Variants in MYH9 observed in about 807,000 individuals in gnomAD.
MYH9 encodes myosin-9.
MYH9 carries 29 observed loss-of-function variants against 241.9 expected under a neutral mutation model. The ratio of observed to expected loss-of-function variants is 0.12; its 90% CI spans 0.09 to 0.16. MYH9 has a LOEUF of 0.16. MYH9 is among the 10% of genes least tolerant of loss of function. MYH9 has a pLI of 1.00. For missense variants in MYH9, 1,803 were observed against 2,595.5 expected, an observed-to-expected ratio of 0.69 and a Z score of 6.63; for synonymous variants, 1,047 against 1,062.6, an observed-to-expected ratio of 0.99 and a Z score of 0.29.
At chr22:36,338,507 C>T (rs1293788241) in intron 3 of MYH9, among the ~76,000 whole-genome samples, 1 of 152,090 alleles carries the variant, frequency 6.6e-6, no homozygotes, top group Non-Finnish European at 1.5e-5. Flanking sequence ...ATTTCCTATC[C>T]CTGGTCTCCA....
At position 36,309,400 on chromosome 22, in the gene MYH9, G is replaced by A. The variant is rs2017023591; in HGVS notation, c.1729-4C>T. The A allele has an allele frequency of 1.2e-6, 2 of 1,612,538 alleles. No homozygotes were observed. Among genetic ancestry groups the A allele is most frequent in the African/African-American group, 1.3e-5 (1 of 74,880 alleles). ...ACTCGTCAGCTTTGTAATCCACCTG[G>A]CGGGGTCAGAGAGGCAGGAGTCACA... On this transcript the variant is annotated splice_region_variant and splice_polypyrimidine_tract_variant and intron_variant, in intron 14 of 40. Transcript: ENST00000216181.
Position 36,293,312 on chromosome 22 carries a change from C to A in MYH9, c.4095+17G>T. The stretch of plus-strand genomic sequence containing the variant: ...CCCCAGCCTGCAGAGTCCGGCCGGT[C>A]CCCCAGGCCTCCAAACCTGGGCATG... On this transcript the variant is annotated intron_variant, in intron 30 of 40. Transcript: ENST00000216181. This position sits in a 1 kb window ranked among gnomAD's most constrained non-coding sequence, Gnocchi z 5.1. 6.2e-7 allele frequency: 1 copy of A among 1,613,340 alleles called. No individual in the cohort carries two copies.
At chr22:36,301,468 G>A (rs748517879) in intron 21 of MYH9, 66 bp downstream of exon 21, 8 of 1,603,846 alleles carry the variant, frequency 5.0e-6, no homozygotes, top group South Asian at 2.2e-5. Flanking sequence ...CGTGCCTACC[G>A]ATGGCCAGCA....
chr22:36,312,141 C>G lies in MYH9; in HGVS notation c.1636G>C (p.Val546Leu). 1 of 1,614,184 alleles carries G rather than the reference C, an allele frequency of 6.2e-7. No individual in the cohort carries two copies. The highest frequency in any genetic ancestry group is 8.5e-7 in the Non-Finnish European group (1 of 1,180,032). The change falls in exon 14 of 41, where the codon GTG becomes CTG. Residue 546 changes from valine (V) to leucine (L), a missense_variant. This residue lies in a region of MYH9 where 163 missense variants were observed against 349.7 expected (regional missense o/e 0.47). Transcript: ENST00000216181. ...GGGTGGGTGCCCTGCTCCTGCATCA[C>G]CTTCTCCACGAAGCTCTTGTCGGTG... The part of the protein sequence containing the change: ...KATDKSFVEK[V>L]MQEQGTHPKF...
intron 2 of MYH9, among the ~76,000 whole-genome samples, chr22:36,344,419 T>C (rs1265892794): frequency 6.6e-6 from 1 of 152,200 alleles, no homozygotes; most frequent in African/African-American, 2.4e-5. Context: ...GGAAGCTTGA[T>C]GGAGAGATAG....
At chr22:36,286,353 G>A (rs1290897412) in intron 35 of MYH9, among the ~76,000 whole-genome samples, 1 of 152,052 alleles carries the variant, frequency 6.6e-6, no homozygotes, top group Non-Finnish European at 1.5e-5. Flanking sequence ...GGCACATCAC[G>A]CTGCAGGGCA....
rs1180330949 is a variant in MYH9 at position 36,350,172 on chromosome 22, C to T, written c.-19-917G>A. On this transcript the variant is annotated intron_variant, in intron 1 of 40. Transcript: ENST00000216181. The stretch of plus-strand genomic sequence containing the variant: ...GGGGACACTAAGGTCAAAAGTGACC[C>T]TCACAATTCATGAGCCAAGAGAACT... Among the ~76,000 whole-genome samples the T allele has an allele frequency of 2.6e-5, 4 of 152,314 alleles. No individual in the cohort carries two copies. In the East Asian group the frequency reaches 7.7e-4, roughly 29 times the overall value.
rs182979315 is a variant in MYH9, at chr22:36,289,004, G to A, written c.4558-65C>T. ...GCAGGTACCTGGGTCTGCGCGACCC[G>A]GAGTCTGTGCACACACCGACCCTCT... On this transcript the variant is annotated intron_variant, in intron 32 of 40. Transcript: ENST00000216181. The A allele has an allele frequency of 3.6e-4, 579 of 1,611,916 alleles. 2 individuals are homozygous for A. The African/African-American group carries it at 4.8e-3, about 13-fold the overall frequency.
intron 1 of MYH9, among the ~76,000 whole-genome samples, chr22:36,387,561 G>C (rs2018374976): frequency 6.6e-6 from 1 of 151,798 alleles, no homozygotes; most frequent in Non-Finnish European, 1.5e-5. Flanking sequence ...GCCGGGTCCC[G>C]AGGCCGCCCC....
intron 13 of MYH9, 123 bp downstream of exon 13, chr22:36,314,022 G>A: frequency 7.8e-7 from 1 of 1,278,856 alleles, no homozygotes; most frequent in African/African-American, 1.5e-5. Context: ...TCCTCCGGGT[G>A]GCACCAAAAG....
intron 1 of MYH9, among the ~76,000 whole-genome samples, chr22:36,360,661 C>T (rs975035561): frequency 4.0e-5 from 6 of 149,330 alleles, no homozygotes; most frequent in Admixed American, 6.7e-5. Context: ...TGCAGTGAGC[C>T]GAGATCGCAC....
At chr22:36,326,886 T>G (rs1049532574) in intron 4 of MYH9, among the ~76,000 whole-genome samples, 1 of 152,238 alleles carries the variant, frequency 6.6e-6, no homozygotes, top group East Asian at 1.9e-4. Context: ...ATCCACTGCC[T>G]GTCCTGGTCA....
intron 1 of MYH9, among the ~76,000 whole-genome samples, chr22:36,385,255 C>T (rs2018334795): frequency 6.6e-6 from 1 of 151,552 alleles, no homozygotes; most frequent in Non-Finnish European, 1.5e-5. Context: ...AGGAAAACAA[C>T]AGCCAACCCC....
In MYH9 at chr22:36,285,030, A is replaced by G. The variant is rs1468456112; in HGVS notation, c.5483+91T>C. 13 of 1,194,282 alleles carry G rather than the reference A, an allele frequency of 1.1e-5. No individual in the cohort carries two copies. The highest frequency in any genetic ancestry group is 2.5e-5 in the East Asian group (1 of 40,428). The allele number at this position is 1,194,282 out of a possible 1,614,324, so 74.0% of individuals were successfully genotyped here. A position where few individuals can be genotyped will look rare whatever the true frequency, so the allele number is the denominator to read the frequency against. ...ACAGCCCCAGGCTCAGGAGACAGAG[A>G]GCTGGTTGTGGCCCAGATTTGGGCA... On this transcript the variant is annotated intron_variant, in intron 38 of 40. Transcript: ENST00000216181. The surrounding 1 kb of genome is among the most constrained non-coding windows in gnomAD (Gnocchi z 7.0).
At chr22:36,315,891 A>T (rs1305736759) in intron 12 of MYH9, among the ~76,000 whole-genome samples, 1 of 150,408 alleles carries the variant, frequency 6.6e-6, no homozygotes, top group Non-Finnish European at 1.5e-5. Flanking sequence ...TTTAAAAATT[A>T]GCTGGGAGTG....
At chr22:36,283,874 A>C (rs1184075757) in intron 40 of MYH9, among the ~76,000 whole-genome samples, 1 of 152,254 alleles carries the variant, frequency 6.6e-6, no homozygotes, top group Non-Finnish European at 1.5e-5. Flanking sequence ...AAAAGACAAT[A>C]GACTTTTAGG....
chr22:36,285,237 C>T lies in MYH9; in HGVS notation c.5367G>A (p.Glu1789=), dbSNP rs2016559707. The change falls in exon 38 of 41, where the codon GAG becomes GAA. Residue 1789 remains glutamate (E), a synonymous_variant. Transcript: ENST00000216181. The surrounding 1 kb of genome is among the most constrained non-coding windows in gnomAD (Gnocchi z 7.0). ...CCATCTCCTGCAGCTTGACCTTAAG[C>T]TCCTTGTTCTGGCGTTCCAGCTGCT... ...ARQQLERQNK[E]LKVKLQEMEG... is the part of the protein sequence containing the mutation. The T allele has an allele frequency of 2.5e-6, 4 of 1,614,214 alleles. No homozygotes were observed. The East Asian group carries it at 6.7e-5, about 27-fold the overall frequency.
At chr22:36,376,982 G>A (rs529787905) in intron 1 of MYH9, among the ~76,000 whole-genome samples, 17 of 152,064 alleles carry the variant, frequency 1.1e-4, no homozygotes, top group African/African-American at 3.6e-4. Context: ...TGAATCGCTT[G>A]AACCCGGGAG....
chr22:36,378,760 T>C (rs1048675422), intron 1 of MYH9, among the ~76,000 whole-genome samples: 2 of 152,046 alleles, frequency 1.3e-5, no homozygotes, highest in African/African-American at 2.4e-5. Flanking sequence ...AGTAGAAGAA[T>C]AGACTCTTAA....
Sources: gnomAD v4.1 joint callset for allele counts (sites outside exome capture counted in the v4.1 genomes callset) on GRCh38, gnomAD v4.1.1 for gene constraint, gnomAD v4.1.1 regional missense constraint, Gnocchi (gnomAD v3.1) non-coding constraint, MANE v1.5 for transcripts, NCBI Gene and HGNC (gene_info 2026-07-23, HGNC 2026-07-21) for gene names.